GARNL3: variants seen among roughly 807,000 people sequenced by gnomAD.
GARNL3 encodes GTPase-activating Rap/Ran-GAP domain-like protein 3.
GARNL3 carries 63 observed loss-of-function variants against 125.0 expected under a neutral mutation model. That is an observed-to-expected ratio of 0.50 (90% CI 0.41 to 0.62). The LOEUF (loss-of-function observed/expected upper bound fraction) is 0.62. Ranked by LOEUF, GARNL3 falls within the 20% of genes least tolerant of loss-of-function variation. The probability of loss-of-function intolerance (pLI) is 0.00; values close to 1 mark genes in which losing one functional copy is unlikely to be tolerated. For synonymous variants in GARNL3, 439 were observed against 457.5 expected, an observed-to-expected ratio of 0.96 and a Z score of 0.52; for missense variants, 994 against 1,244.0, an observed-to-expected ratio of 0.80 and a Z score of 3.02.
upstream of GARNL3, chr9:127,264,163 G>T (rs891473246): frequency 8.0e-6 from 4 of 499,788 alleles, no homozygotes; most frequent in Non-Finnish European, 1.4e-5. Flanking sequence ...ATCTCATGTG[G>T]TTTCATGAGT....
rs780785663 is a variant in GARNL3, at chr9:127,388,970, G to A, written c.2594G>A (p.Arg865Gln). 6 of 1,613,570 alleles carry A rather than the reference G, an allele frequency of 3.7e-6. No homozygotes were observed. The highest frequency in any genetic ancestry group is 5.1e-6 in the Non-Finnish European group (6 of 1,179,602). Residue 865 changes from arginine (R) to glutamine (Q), a missense_variant, in exon 26 of 28, where the codon CGA (arginine) becomes CAA (glutamine). Transcript: ENST00000373387. ...AACCTCGTGGGCAGAAGCATCGAAC[G>A]ACCTCTGAAGTCACCCTTAGTCTCC... ...LRNLVGRSIE[R>Q]PLKSPLVSKV...
At chr9:127,333,233 CTG>C (rs1447523743) in intron 9 of GARNL3, 112 bp downstream of exon 9, 8 of 807,528 alleles carry the variant, frequency 9.9e-6, no homozygotes, top group Non-Finnish European at 1.6e-5. Context: ...TGAGAGAAGA[CTG>C]GAGGGAGGTG....
In GARNL3 at chr9:127,387,183, T is replaced by C. The variant is rs760422489; in HGVS notation, c.2389-10T>C. The C allele has an allele frequency of 1.9e-6, 3 of 1,609,364 alleles. No individual in the cohort carries two copies. Among genetic ancestry groups the C allele is most frequent in the Admixed American group, 1.7e-5 (1 of 59,324 alleles). ...CAGGCAGCCCGGTAATGCTCTCTCT[T>C]CCTTTCTAGTCGGATATATACTTCA... is the stretch of plus-strand genomic sequence containing the variant. On this transcript the variant is annotated splice_polypyrimidine_tract_variant and intron_variant, in intron 24 of 27. Transcript: ENST00000373387.
intron 1 of GARNL3, among the ~76,000 whole-genome samples, chr9:127,273,097 A>G (rs1359885368): frequency 6.6e-6 from 1 of 152,200 alleles, no homozygotes; most frequent in Non-Finnish European, 1.5e-5. Context: ...ACAAAAAACC[A>G]TATGAGGTAG....
chr9:127,387,016 G>A (rs559758743), intron 24 of GARNL3, 177 bp from the exon 25 acceptor site: 261 of 545,854 alleles, frequency 4.8e-4, no homozygotes, highest in South Asian at 1.5e-3. Flanking sequence ...AGTGTAACTA[G>A]CCACGCTGGG....
chr9:127,253,459 A>T (rs2063441551), intron 2 of GARNL3, among the ~76,000 whole-genome samples: 1 of 152,236 alleles, frequency 6.6e-6, no homozygotes, highest in Non-Finnish European at 1.5e-5. Context: ...ATAGTATGTT[A>T]GGTGCTTAGG....
upstream of GARNL3, among the ~76,000 whole-genome samples, chr9:127,262,481 A>G (rs1218773546): frequency 1.3e-5 from 2 of 152,220 alleles, no homozygotes; most frequent in African/African-American, 2.4e-5. Context: ...ATGCATATCC[A>G]TCACTTTGGC....
At chr9:127,378,125 C>A (rs1832027019) in intron 22 of GARNL3, among the ~76,000 whole-genome samples, 1 of 151,636 alleles carries the variant, frequency 6.6e-6, no homozygotes, top group African/African-American at 2.4e-5. Flanking sequence ...CTTGTAATCC[C>A]AGCTACTCAG....
chr9:127,317,053 G>A (rs188665912), intron 4 of GARNL3, among the ~76,000 whole-genome samples: 2 of 152,306 alleles, frequency 1.3e-5, no homozygotes, highest in Admixed American at 6.5e-5. Context: ...TAACTGTGTA[G>A]TGTGAACCTT....
intron 2 of GARNL3, among the ~76,000 whole-genome samples, chr9:127,308,697 A>G (rs1315733445): frequency 6.6e-6 from 1 of 152,240 alleles, no homozygotes; most frequent in African/African-American, 2.4e-5. Context: ...TGTTGACTCA[A>G]CTGACAACAT....
chr9:127,360,351 A>C (rs1036000367), intron 21 of GARNL3, among the ~76,000 whole-genome samples: 1 of 151,958 alleles, frequency 6.6e-6, no homozygotes, highest in Non-Finnish European at 1.5e-5. Flanking sequence ...GGAAAAAAAA[A>C]CCCTTCCCTA....
chr9:127,268,778 C>T (rs1443901673), intron 1 of GARNL3, among the ~76,000 whole-genome samples: 1 of 152,108 alleles, frequency 6.6e-6, no homozygotes, highest in African/African-American at 2.4e-5. Context: ...CCCAGGTAAC[C>T]TCTATTCTAC....
chr9:127,241,746 G>C (rs1190372689), intron 1 of GARNL3, among the ~76,000 whole-genome samples: 2 of 140,996 alleles, frequency 1.4e-5, no homozygotes, highest in Non-Finnish European at 2.9e-5. Context: ...CTTTTTTGAG[G>C]TTTTTTGTTT....
chr9:127,279,020 C>A (rs1372162857), intron 1 of GARNL3, among the ~76,000 whole-genome samples: 1 of 152,094 alleles, frequency 6.6e-6, no homozygotes, highest in Admixed American at 6.5e-5. Flanking sequence ...CTGCAAAGAC[C>A]CCATTTGCAA....
Position 127,345,487 on chromosome 9 carries a change from T to C in GARNL3, c.1431+10T>C, listed in dbSNP as rs760662698. ...GATCTGTAAAAAAGAGGTGAGTTCA[T>C]GATACTTTCAATTTGAACTTTGAAT... is the stretch of plus-strand genomic sequence containing the variant. On this transcript the variant is annotated intron_variant, in intron 16 of 27. Transcript: ENST00000373387. 2.6e-6 allele frequency: 4 copies of C among 1,531,636 alleles called. No individual in the cohort carries two copies. In the Admixed American group the frequency reaches 5.7e-5, roughly 22 times the overall value. 94.9% of individuals were successfully genotyped at this position (1,531,636 alleles called of 1,614,324 possible). A position where few individuals can be genotyped will look rare whatever the true frequency, so the allele number is the denominator to read the frequency against.
intron 2 of GARNL3, among the ~76,000 whole-genome samples, chr9:127,253,052 T>G (rs1419136165): frequency 6.6e-6 from 1 of 152,228 alleles, no homozygotes; most frequent in Non-Finnish European, 1.5e-5. Context: ...GCAACATTTA[T>G]AGCATTTTTA....
chr9:127,323,098 T>C (rs1265625696), intron 6 of GARNL3, among the ~76,000 whole-genome samples: 1 of 152,080 alleles, frequency 6.6e-6, no homozygotes, highest in Non-Finnish European at 1.5e-5. Context: ...ATGAAAAAAA[T>C]CAGTGTCAGC....
intron 4 of GARNL3, among the ~76,000 whole-genome samples, chr9:127,317,505 A>G (rs2065272118): frequency 6.6e-6 from 1 of 152,010 alleles, no homozygotes; most frequent in Non-Finnish European, 1.5e-5. Flanking sequence ...CAGGCAGATC[A>G]CTTGAGGTCA....
intron 2 of GARNL3, among the ~76,000 whole-genome samples, chr9:127,301,832 C>T (rs1222040538): frequency 6.7e-6 from 1 of 149,038 alleles, no homozygotes; most frequent in African/African-American, 2.5e-5. Context: ...ACCTCCCTTA[C>T]AGCTCACTTG....
Sources: gnomAD v4.1 joint callset for allele counts (sites outside exome capture counted in the v4.1 genomes callset) on GRCh38, gnomAD v4.1.1 for gene constraint, MANE v1.5 for transcripts, NCBI Gene and HGNC (gene_info 2026-07-23, HGNC 2026-07-21) for gene names.